TMEM165: variants seen among roughly 807,000 people sequenced by gnomAD.
The protein encoded by TMEM165 is putative divalent cation/proton antiporter TMEM165.
Under a neutral mutation model 30.0 loss-of-function variants are expected in TMEM165, and 19 were observed. The observed-to-expected ratio is 0.63, with a 90% confidence interval of 0.44 to 0.93. The LOEUF (loss-of-function observed/expected upper bound fraction) is 0.93, where lower values mean the gene tolerates loss of function less well. Ranked by LOEUF, TMEM165 falls within the 40% of genes least tolerant of loss-of-function variation. TMEM165 has a pLI of 0.00. For synonymous variants in TMEM165, 168 were observed against 162.9 expected (o/e 1.03, Z -0.24); for missense variants, 340 against 417.0 (o/e 0.82, Z 1.61).
chr4:55,445,473 AGAG>A (rs1228813993), intron 3 of TMEM165, among the ~76,000 whole-genome samples: 1 of 151,946 alleles, frequency 6.6e-6, no homozygotes, highest in African/African-American at 2.4e-5. Context: ...GCATGGGGGA[AGAG>A]GAGGTTAGGA....
rs556017320 is a variant in TMEM165 at position 55,413,584 on chromosome 4, C to T, written c.433+1745C>T. On this transcript the variant is annotated intron_variant, in intron 2 of 5. Transcript: ENST00000381334. ...CCCGCCTTGGCCTCCCAAAGTGCTG[C>T]GATTACAGGCGTGAGCTACCACGCC... Among the ~76,000 whole-genome samples the T allele has an allele frequency of 1.3e-3, 195 of 152,274 alleles. 1 individual carries two copies. Among genetic ancestry groups the T allele is most frequent in the Non-Finnish European group, 1.7e-3 (116 of 68,032 alleles).
Position 55,396,180 on chromosome 4 carries a change from G to T in TMEM165, c.-10G>T. On this transcript the variant is annotated 5_prime_UTR_variant, in exon 1 of 6. Transcript: ENST00000381334. ...TGCGGCGCCCGTGCGCGGCCGGCCC[G>T]GCAGGCGGGATGGCGGCCGCGGCTC... is the stretch of plus-strand genomic sequence containing the variant. 1 of 1,382,874 alleles carries T rather than the reference G, an allele frequency of 7.2e-7. No individual in the cohort carries two copies. The highest frequency in any genetic ancestry group is 9.3e-7 in the Non-Finnish European group (1 of 1,078,162). 85.7% of individuals were successfully genotyped at this position (1,382,874 alleles called of 1,614,324 possible).
chr4:55,418,897 T>C (rs1269993840), intron 4 of TMEM165, among the ~76,000 whole-genome samples: 1 of 151,790 alleles, frequency 6.6e-6, no homozygotes, highest in African/African-American at 2.4e-5. Flanking sequence ...ATACAAAAAT[T>C]AGCCGGGCAA....
At position 55,417,214 on chromosome 4, in the gene TMEM165, A is replaced by C. The variant is rs1200256565; in HGVS notation, c.576A>C (p.Glu192Asp). 6.2e-7 allele frequency: 1 copy of C among 1,612,780 alleles called. No homozygotes were observed. Among genetic ancestry groups the C allele is most frequent in the Non-Finnish European group, 8.5e-7 (1 of 1,179,736 alleles). The part of the protein sequence containing the change: ...SPDEGQEELE[E>D]VQAELKKKDE... Reference sequence around the variant, plus strand: ...ATGAGGGTCAAGAGGAACTGGAAGAAGTTCAAGCTGAATTAAAGAAGAAAG... The same window carrying C: ...ATGAGGGTCAAGAGGAACTGGAAGACGTTCAAGCTGAATTAAAGAAGAAAG... The change falls in exon 3 of 6, where the codon GAA becomes GAC. Residue 192 changes from glutamate (E) to aspartate (D), a missense_variant. Transcript: ENST00000381334.
intron 1 of TMEM165, among the ~76,000 whole-genome samples, chr4:55,398,049 G>T (rs563062276): frequency 1.3e-5 from 2 of 152,238 alleles, no homozygotes; most frequent in African/African-American, 4.8e-5. Flanking sequence ...CGTGTTTCAT[G>T]TTTTCGTTAC....
intron 1 of TMEM165, among the ~76,000 whole-genome samples, chr4:55,401,033 CTG>C (rs1165220786): frequency 6.6e-6 from 1 of 150,410 alleles, no homozygotes; most frequent in East Asian, 1.9e-4. Context: ...TTTTGTGCCA[CTG>C]TGTGAGAGTG....
intron 3 of TMEM165, among the ~76,000 whole-genome samples, chr4:55,445,778 T>TA (rs1046578934): frequency 1.3e-5 from 2 of 151,194 alleles, no homozygotes; most frequent in African/African-American, 4.9e-5. Context: ...TATTTTCTTG[T>TA]AAAAATAGGG....
At chr4:55,453,184 T>C (rs544412151) in exon 4 of TMEM165, 2 of 1,325,882 alleles carry the variant, frequency 1.5e-6, no homozygotes, top group South Asian at 2.4e-5. Context: ...TTTAAAATAC[T>C]GCACAGCTGT....
At chr4:55,427,723 T>C (rs936179054), downstream of TMEM165, among the ~76,000 whole-genome samples, 2 of 152,218 alleles carry the variant, frequency 1.3e-5, no homozygotes, top group Non-Finnish European at 2.9e-5. Context: ...TCAGTTCAGG[T>C]AGCTTGGTCC....
intron 1 of TMEM165, 56 bp downstream of exon 1, chr4:55,396,452 A>G (rs1032607234): frequency 2.2e-5 from 30 of 1,335,872 alleles, no homozygotes; most frequent in Non-Finnish European, 2.9e-5. Flanking sequence ...GCCGAGTACC[A>G]GGCTCCAGGC....
intron 1 of TMEM165, among the ~76,000 whole-genome samples, chr4:55,398,387 A>G (rs1458273788): frequency 1.3e-5 from 2 of 152,242 alleles, no homozygotes; most frequent in South Asian, 2.1e-4. Flanking sequence ...TTTGTAAGGA[A>G]TAGTGGTTTA....
At chr4:55,445,015 T>G (rs1257324087) in intron 3 of TMEM165, among the ~76,000 whole-genome samples, 4 of 152,144 alleles carry the variant, frequency 2.6e-5, no homozygotes, top group African/African-American at 9.7e-5. Context: ...TCCACATCAG[T>G]AGGTGGTGCT....
rs138233849 is a variant in TMEM165, at chr4:55,409,567, T to C, written c.208-2047T>C. 5.9e-3 allele frequency among the ~76,000 whole-genome samples: 904 copies of C among 152,336 alleles called. 6 individuals are homozygous for C. The highest frequency in any genetic ancestry group is 0.011 in the Admixed American group (172 of 15,300). ...ATATAATTCTTGGTTGTGGAAGGGCTGTCCTGTGCATTGTAGGATGTTTAG... is the reference window on the plus strand; with the variant it reads ...ATATAATTCTTGGTTGTGGAAGGGCCGTCCTGTGCATTGTAGGATGTTTAG... On this transcript the variant is annotated intron_variant, in intron 1 of 5. Coordinates refer to ENST00000381334, the MANE Select transcript of TMEM165 (RefSeq NM_018475.5).
In TMEM165 at chr4:55,453,116, T is replaced by G. The variant is rs1319958155; in HGVS notation, c.*810T>G. 3.1e-6 allele frequency: 5 copies of G among 1,612,928 alleles called. No homozygotes were observed. In the South Asian group the frequency reaches 4.4e-5, roughly 14 times the overall value. Reference sequence around the variant, plus strand: ...CCAAGTTCTCGTCGTCTTTCAGCCCTAACTTCTGCATAACTACAAATGGAA... The same window carrying G: ...CCAAGTTCTCGTCGTCTTTCAGCCCGAACTTCTGCATAACTACAAATGGAA... On this transcript the variant is annotated 3_prime_UTR_variant, in exon 4 of 4. Transcript: ENST00000608091.
chr4:55,433,286 T>C (rs1722643317), intron 3 of TMEM165: 1 of 152,670 alleles, frequency 6.6e-6, no homozygotes, highest in African/African-American at 2.4e-5. Context: ...CTAGAAGAGC[T>C]CCTTGATATG....
rs1240469196 is a variant in TMEM165, at chr4:55,425,494, A to AT, written c.*44dup. 1 of 1,454,180 alleles carries AT rather than the reference A, an allele frequency of 6.9e-7. No individual in the cohort carries two copies. Among genetic ancestry groups the AT allele is most frequent in the East Asian group, 2.3e-5 (1 of 44,000 alleles). The allele number at this position is 1,454,180 out of a possible 1,614,324, so 90.1% of individuals were successfully genotyped here. A position where few individuals can be genotyped will look rare whatever the true frequency, so the allele number is the denominator to read the frequency against. ...CTATATTTAGTTTAAAATAGGTAGT[A>AT]TTATCTTTCTGTACATAGTGTACAT... On this transcript the variant is annotated 3_prime_UTR_variant, in exon 6 of 6. Transcript: ENST00000381334.
intron 4 of TMEM165, among the ~76,000 whole-genome samples, chr4:55,419,241 C>T (rs1487409073): frequency 1.3e-4 from 20 of 152,158 alleles, no homozygotes; most frequent in Admixed American, 1.3e-3. Flanking sequence ...CCTGCCTCAG[C>T]CTCGCAAATA....
intron 5 of TMEM165, 26 bp downstream of exon 5, chr4:55,424,669 A>G (rs951824269): frequency 1.4e-6 from 2 of 1,400,670 alleles, no homozygotes; most frequent in Non-Finnish European, 2.0e-6. Context: ...TACAAATCAG[A>G]TAACATTTTA....
At chr4:55,437,946 T>C (rs1723020752) in intron 3 of TMEM165, among the ~76,000 whole-genome samples, 2 of 152,148 alleles carry the variant, frequency 1.3e-5, no homozygotes, top group African/African-American at 4.8e-5. Context: ...GAGTTTATGG[T>C]TGGCTAGAAA....
Sources: gnomAD v4.1 joint callset for allele counts (sites outside exome capture counted in the v4.1 genomes callset) on GRCh38, gnomAD v4.1.1 for gene constraint, MANE v1.5 for transcripts, NCBI Gene and HGNC (gene_info 2026-07-23, HGNC 2026-07-21) for gene names.